The following CTIF variants were observed in gnomAD, a reference collection of about 807,000 sequenced individuals.
CTIF encodes cap binding complex dependent translation initiation factor, also known as CBP80/20-dependent translation initiation factor.
CTIF carries 21 observed loss-of-function variants against 66.0 expected under a neutral mutation model. The observed-to-expected ratio is 0.32, with a 90% CI of 0.23 to 0.46. CTIF has a LOEUF of 0.46. Among genes scored for constraint, CTIF ranks in the 20% least tolerant of loss-of-function variants. The pLI is 1.00. For synonymous variants in CTIF, 345 were observed against 326.4 expected, an observed-to-expected ratio of 1.06 and a Z score of -0.62; for missense variants, 739 against 812.7, an observed-to-expected ratio of 0.91 and a Z score of 1.10.
Position 48,848,776 on chromosome 18 carries a change from C to T in CTIF, c.1528-8812C>T, listed in dbSNP as rs553784050. On this transcript the variant is annotated intron_variant, in intron 10 of 11. Coordinates refer to ENST00000256413, the MANE Select transcript of CTIF (RefSeq NM_014772.3). ...GAGACTCCCACCAGGCTGCCTTTCT[C>T]CCTGGCTGCTGTGGGGCCTCCCACA... 2.0e-5 allele frequency among the ~76,000 whole-genome samples: 3 copies of T among 152,354 alleles called. No individual in the cohort carries two copies. In the South Asian group the frequency reaches 6.2e-4, roughly 32 times the overall value.
intron 9 of CTIF, among the ~76,000 whole-genome samples, chr18:48,805,269 C>T (rs956863326): frequency 1.3e-5 from 2 of 152,164 alleles, no homozygotes; most frequent in Admixed American, 1.3e-4. Flanking sequence ...GTCCTGGGCT[C>T]CTCCCAAATG....
intron 9 of CTIF, among the ~76,000 whole-genome samples, chr18:48,769,965 G>A (rs1387997859): frequency 6.6e-6 from 1 of 152,146 alleles, no homozygotes; most frequent in Non-Finnish European, 1.5e-5. Flanking sequence ...AGACCAGATC[G>A]CCCTGACTGT....
At chr18:48,835,317 C>T (rs967790556) in intron 10 of CTIF, among the ~76,000 whole-genome samples, 4 of 152,166 alleles carry the variant, frequency 2.6e-5, no homozygotes, top group African/African-American at 9.6e-5. Flanking sequence ...ACCTGATCCT[C>T]CAGACAACAT....
chr18:48,714,942 G>A (rs1184557983), intron 7 of CTIF, among the ~76,000 whole-genome samples: 1 of 152,236 alleles, frequency 6.6e-6, no homozygotes, highest in African/African-American at 2.4e-5. Context: ...GTCAGAGGGG[G>A]TCCTAGGTGC....
intron 1 of CTIF, among the ~76,000 whole-genome samples, chr18:48,559,325 T>C (rs1297734533): frequency 3.3e-5 from 5 of 152,166 alleles, no homozygotes; most frequent in African/African-American, 9.7e-5. Flanking sequence ...ATTAATATGA[T>C]AGAATGTTAA....
At chr18:48,668,416 G>C (rs1417764997) in intron 5 of CTIF, among the ~76,000 whole-genome samples, 1 of 152,216 alleles carries the variant, frequency 6.6e-6, no homozygotes, top group East Asian at 1.9e-4. Flanking sequence ...AGGCCAGCCT[G>C]TCTGCACCAG....
intron 9 of CTIF, among the ~76,000 whole-genome samples, chr18:48,815,505 A>G (rs988425782): frequency 6.6e-6 from 1 of 152,256 alleles, no homozygotes; most frequent in Non-Finnish European, 1.5e-5. Context: ...ACTGTTTTAC[A>G]TATAAATATA....
chr18:48,727,055 G>A (rs1345114791), intron 7 of CTIF, among the ~76,000 whole-genome samples: 1 of 147,068 alleles, frequency 6.8e-6, no homozygotes, highest in East Asian at 2.0e-4. Context: ...TGAGATTTAA[G>A]GAGGCAAGTT....
intron 1 of CTIF, among the ~76,000 whole-genome samples, chr18:48,577,304 C>A (rs1223822847): frequency 6.6e-6 from 1 of 152,174 alleles, no homozygotes; most frequent in African/African-American, 2.4e-5. Flanking sequence ...TATTCTTTCA[C>A]CCTAAGAGAT....
intron 9 of CTIF, among the ~76,000 whole-genome samples, chr18:48,804,476 A>G (rs1173336233): frequency 6.6e-6 from 1 of 152,228 alleles, no homozygotes; most frequent in Non-Finnish European, 1.5e-5. Context: ...CTGTGAGTAC[A>G]GCCCAGCAGA....
chr18:48,738,546 G>A lies in CTIF; in HGVS notation c.585-19373G>A, dbSNP rs193263700. Among the ~76,000 whole-genome samples, 781 of 129,200 alleles carry A rather than the reference G, an allele frequency of 6.0e-3. 1 individual carries two copies. The highest frequency in any genetic ancestry group is 0.05 in the Middle Eastern group (13 of 258). The allele number at this position is 129,200 out of a possible 152,430, so 84.8% of individuals were successfully genotyped here. ...TTTGCACTGGCTGTTCCCCCTCCCC[G>A]GATTGCTCTTCTCCTGGGTATTTGC... is the stretch of plus-strand genomic sequence containing the variant. On this transcript the variant is annotated intron_variant, in intron 7 of 11. Coordinates refer to ENST00000256413, the MANE Select transcript of CTIF (RefSeq NM_014772.3).
chr18:48,616,344 T>C (rs952221644), intron 1 of CTIF, among the ~76,000 whole-genome samples: 3 of 152,204 alleles, frequency 2.0e-5, no homozygotes, highest in Admixed American at 6.5e-5. Flanking sequence ...CGGAGCCTGC[T>C]TGGGGCCAGC....
chr18:48,827,232 A>T (rs2068600448), intron 10 of CTIF, among the ~76,000 whole-genome samples: 1 of 152,232 alleles, frequency 6.6e-6, no homozygotes, highest in Admixed American at 6.5e-5. Context: ...CATTCAACAA[A>T]CAATGAGAAA....
chr18:48,841,411 C>A (rs575955044), intron 10 of CTIF, among the ~76,000 whole-genome samples: 1 of 152,184 alleles, frequency 6.6e-6, no homozygotes, highest in Non-Finnish European at 1.5e-5. Context: ...GCAGCGCCCT[C>A]GTGGCCCCGG....
chr18:48,651,335 G>A (rs1460360286), intron 3 of CTIF, among the ~76,000 whole-genome samples: 1 of 152,012 alleles, frequency 6.6e-6, no homozygotes, highest in Non-Finnish European at 1.5e-5. Context: ...AAAAGGCAGG[G>A]GTTGCAATCC....
At chr18:48,627,623 G>A (rs909382565) in intron 2 of CTIF, among the ~76,000 whole-genome samples, 1 of 152,112 alleles carries the variant, frequency 6.6e-6, no homozygotes, top group African/African-American at 2.4e-5. Context: ...GGAGGCTGAG[G>A]TGGGAGGATC....
At chr18:48,849,218 G>A (rs1009535402) in intron 10 of CTIF, among the ~76,000 whole-genome samples, 1 of 102,912 alleles carries the variant, frequency 9.7e-6, no homozygotes, top group Non-Finnish European at 1.8e-5. Context: ...TTTTTTTTGA[G>A]ACAGAGTCTT....
chr18:48,628,381 T>C (rs1034025797), intron 2 of CTIF, among the ~76,000 whole-genome samples: 12 of 152,024 alleles, frequency 7.9e-5, no homozygotes, highest in Admixed American at 5.9e-4. Flanking sequence ...ACTTAAGAAG[T>C]TGGGGAGATG....
chr18:48,749,469 G>A (rs974385544), intron 7 of CTIF, among the ~76,000 whole-genome samples: 2 of 152,192 alleles, frequency 1.3e-5, no homozygotes, highest in Admixed American at 6.5e-5. Flanking sequence ...GCATCCTGAG[G>A]TCTCTTCCTT....
Sources: gnomAD v4.1 joint callset for allele counts (sites outside exome capture counted in the v4.1 genomes callset) on GRCh38, gnomAD v4.1.1 for gene constraint, MANE v1.5 for transcripts, NCBI Gene and HGNC (gene_info 2026-07-23, HGNC 2026-07-21) for gene names.